Variants in NBDY observed in about 807,000 individuals in gnomAD.
NBDY encodes negative regulator of P-body association.
intron 2 of NBDY, chrX:56,737,382 C>A: frequency 6.1e-6 from 4 of 659,262 alleles, no homozygotes; most frequent in Non-Finnish European, 1.0e-5. Flanking sequence ...AGGTCCAATG[C>A]ACTCTTAATG....
At chrX:56,730,330 G>A (rs2069450756) in intron 1 of NBDY, among the ~76,000 whole-genome samples, 1 of 105,410 alleles carries the variant, frequency 9.5e-6, no homozygotes, top group African/African-American at 3.4e-5. Flanking sequence ...GGCCAACACG[G>A]TGAAACCCCG....
At chrX:56,781,242 C>G (rs972272486) in intron 2 of NBDY, among the ~76,000 whole-genome samples, 4 of 111,998 alleles carry the variant, frequency 3.6e-5, no homozygotes, top group African/African-American at 1.3e-4. Flanking sequence ...TAGACACCTT[C>G]ATTCACAACT....
At chrX:56,735,434 G>A (rs1036119083) in intron 2 of NBDY, among the ~76,000 whole-genome samples, 1 of 112,220 alleles carries the variant, frequency 8.9e-6, no homozygotes, top group African/African-American at 3.2e-5. Flanking sequence ...CCTTGAGCAG[G>A]TGGATAGCCT....
rs1157131797 is a variant in NBDY, at chrX:56,730,513, C to CAAAAAAAAAAAAAAAAAAAAAA, written c.*29+936_*29+957dup. Among the ~76,000 whole-genome samples the CAAAAAAAAAAAAAAAAAAAAAA allele has an allele frequency of 4.5e-4, 5 of 11,207 alleles. 2 individuals are homozygous for CAAAAAAAAAAAAAAAAAAAAAA. The highest frequency in any genetic ancestry group is 6.9e-4 in the Non-Finnish European group (4 of 5,792). 9.7% of individuals were successfully genotyped at this position (11,207 alleles called of 115,157 possible). A position where few individuals can be genotyped will look rare whatever the true frequency, so the allele number is the denominator to read the frequency against. The stretch of plus-strand genomic sequence containing the variant: ...GCGACAATAGCAAAAAACTACGTCT[C>CAAAAAAAAAAAAAAAAAAAAAA]AAAAAAAAAAAAAAAAAAAAAAAAA... On this transcript the variant is annotated intron_variant, in intron 1 of 2. Coordinates refer to ENST00000374922, the MANE Select transcript of NBDY (RefSeq NM_001348129.2).
At chrX:56,795,369 G>C (rs1254564010) in intron 2 of NBDY, among the ~76,000 whole-genome samples, 2 of 111,969 alleles carry the variant, frequency 1.8e-5, no homozygotes, top group East Asian at 2.8e-4. Flanking sequence ...GCAGACATAA[G>C]AAAGCCTGAC....
At chrX:56,810,243 G>A (rs995298481) in intron 2 of NBDY, among the ~76,000 whole-genome samples, 4 of 110,945 alleles carry the variant, frequency 3.6e-5, no homozygotes, top group South Asian at 3.8e-4. Flanking sequence ...TGCTCTTCTC[G>A]AGGAGTATGT....
intron 2 of NBDY, among the ~76,000 whole-genome samples, chrX:56,797,677 C>G (rs1414210838): frequency 9.0e-6 from 1 of 110,836 alleles, no homozygotes; most frequent in Non-Finnish European, 1.9e-5. Context: ...ACATTGTTCC[C>G]CTATTGCCTT....
At position 56,800,617 on chromosome X, in the gene NBDY, C is replaced by A. The variant is rs1253665155; in HGVS notation, c.*167-16703C>A. ...GCAGCCACCTTTCCACCTGGGATATCCTGCATTTCAGTTCACTCTCAACCT... is the reference window on the plus strand; with the variant it reads ...GCAGCCACCTTTCCACCTGGGATATACTGCATTTCAGTTCACTCTCAACCT... On this transcript the variant is annotated intron_variant, in intron 2 of 2. Coordinates refer to ENST00000374922, the MANE Select transcript of NBDY (RefSeq NM_001348129.2). Among the ~76,000 whole-genome samples the A allele has an allele frequency of 6.3e-5, 7 of 111,856 alleles. No homozygotes were observed. The Admixed American group carries it at 6.6e-4, about 11-fold the overall frequency.
intron 2 of NBDY, among the ~76,000 whole-genome samples, chrX:56,803,262 G>T (rs1417351476): frequency 8.9e-6 from 1 of 111,784 alleles, no homozygotes; most frequent in Non-Finnish European, 1.9e-5. Flanking sequence ...GCCCTCCATG[G>T]GTTCCCCTGG....
intron 2 of NBDY, among the ~76,000 whole-genome samples, chrX:56,750,033 A>C (rs2069576748): frequency 9.0e-6 from 1 of 111,695 alleles, no homozygotes; most frequent in African/African-American, 3.3e-5. Context: ...GATGTTTTGA[A>C]ATTTTTATCT....
chrX:56,804,129 G>C (rs1317777350), intron 2 of NBDY, among the ~76,000 whole-genome samples: 3 of 111,879 alleles, frequency 2.7e-5, no homozygotes, highest in African/African-American at 9.8e-5. Context: ...TTACTTCTCT[G>C]AATTTGCACA....
rs58224805 is a variant in NBDY at position 56,781,484 on chromosome X, C to G, written c.*167-35836C>G. Among the ~76,000 whole-genome samples, 4 of 111,506 alleles carry G rather than the reference C, an allele frequency of 3.6e-5. No individual in the cohort carries two copies. In the Admixed American group the frequency reaches 3.8e-4, roughly 11 times the overall value. On this transcript the variant is annotated intron_variant, in intron 2 of 2. Transcript: ENST00000374922. The stretch of plus-strand genomic sequence containing the variant: ...GGGGCTTATGCTTTCTTCTGGCTGG[C>G]GCCTTATCCTGTGTGAGGACACAGG...
chrX:56,747,679 G>A (rs942343374), intron 2 of NBDY, among the ~76,000 whole-genome samples: 19 of 111,412 alleles, frequency 1.7e-4, no homozygotes, highest in Admixed American at 1.1e-3. Context: ...TTTTATATAG[G>A]TCATACTAGT....
At chrX:56,739,236 G>GTATATATATATATA (rs67727538) in intron 2 of NBDY, among the ~76,000 whole-genome samples, 1,066 of 57,823 alleles carry the variant, frequency 0.018, 16 homozygotes, top group African/African-American at 0.035. Context: ...GTGTTTGTGT[G>GTATATATATATATA]TGTATATATA....
chrX:56,816,072 A>T (rs1870919743), intron 2 of NBDY, among the ~76,000 whole-genome samples: 1 of 111,518 alleles, frequency 9.0e-6, no homozygotes, highest in African/African-American at 3.2e-5. Context: ...AAACTTAAAG[A>T]CTATTTATAT....
At chrX:56,737,402 C>T in intron 2 of NBDY, 2 of 642,933 alleles carry the variant, frequency 3.1e-6, no homozygotes, top group South Asian at 2.2e-5. Context: ...GTGACACATC[C>T]TGTCATTATA....
intron 2 of NBDY, among the ~76,000 whole-genome samples, chrX:56,806,179 A>G (rs767717636): frequency 8.9e-6 from 1 of 112,203 alleles, no homozygotes; most frequent in South Asian, 3.8e-4. Context: ...ATAGTATTCC[A>G]TGATGTATAT....
chrX:56,762,406 T>A (rs1286554877), intron 2 of NBDY, among the ~76,000 whole-genome samples: 2 of 110,552 alleles, frequency 1.8e-5, no homozygotes. Flanking sequence ...CTATGGAGAC[T>A]GCTTCTTCTG....
chrX:56,786,688 T>C (rs765186455), intron 2 of NBDY, among the ~76,000 whole-genome samples: 21 of 109,941 alleles, frequency 1.9e-4, no homozygotes, highest in Non-Finnish European at 2.8e-4. Context: ...CCTCCTCCTT[T>C]GCCTCTTCTT....
Sources: gnomAD v4.1 joint callset for allele counts (sites outside exome capture counted in the v4.1 genomes callset) on GRCh38, gnomAD v4.1.1 for gene constraint, MANE v1.5 for transcripts, NCBI Gene and HGNC (gene_info 2026-07-23, HGNC 2026-07-21) for gene names.